The following FIBP variants were observed in gnomAD, a reference collection of about 807,000 sequenced individuals.
FIBP encodes the protein FGF1 intracellular binding protein.
FIBP carries 29 observed loss-of-function variants against 40.5 expected under a neutral mutation model. The observed-to-expected ratio is 0.72, with a 90% CI of 0.53 to 0.98. The LOEUF (loss-of-function observed/expected upper bound fraction) is 0.98. Among genes scored for constraint, FIBP ranks in the 50% least tolerant of loss-of-function variants. FIBP has a pLI of 0.00. For synonymous variants in FIBP, 215 were observed against 191.1 expected, an observed-to-expected ratio of 1.13 and a Z score of -1.03; for missense variants, 411 against 470.2, an observed-to-expected ratio of 0.87 and a Z score of 1.16.
chr11:65,884,953 C>T lies in FIBP; in HGVS notation c.801G>A (p.Glu267=). The change falls in exon 7 of 10, where the codon GAG becomes GAA. Residue 267 remains glutamate, a synonymous_variant. Coordinates refer to ENST00000357519, the MANE Select transcript of FIBP (RefSeq NM_004214.5). ...CACAGACCTTGAAGTTGGCTTCCAT[C>T]TCAGAGAAGACGCCCAGCTTTCCCC... is the stretch of plus-strand genomic sequence containing the variant. The part of the protein sequence containing the change: ...ALRGKLGVFS[E]MEANFKNLSR... 1 of 1,614,212 alleles carries T rather than the reference C, an allele frequency of 6.2e-7. No homozygotes were observed. The highest frequency in any genetic ancestry group is 8.5e-7 in the Non-Finnish European group (1 of 1,180,052).
In FIBP at chr11:65,887,664, G is replaced by A. The variant is rs746125853; in HGVS notation, c.347C>T (p.Thr116Ile). ...GCTGATGTCATCCAGGTCTTTCTTG[G>A]TGCCTTTGGACAGCTTCTTGCCCAG... ...EVLGKKLSKG[T>I]KKDLDDISTK... The change falls in exon 3 of 10, where the codon ACC becomes ATC. Residue 116 changes from threonine (T) to isoleucine (I), a missense_variant. Physicochemically the swap from Thr to Ile is moderately conservative, Grantham distance 89. Transcript: ENST00000357519. The A allele has an allele frequency of 2.5e-6, 4 of 1,614,012 alleles. No homozygotes were observed. In the Admixed American group the frequency reaches 6.7e-5, roughly 27 times the overall value.
intron 2 of FIBP, 42 bp from the exon 3 acceptor site, chr11:65,887,768 AGGAAAG>A: frequency 6.4e-7 from 1 of 1,572,904 alleles, no homozygotes; most frequent in Middle Eastern, 1.7e-4. Context: ...CATAAAAGAC[AGGAAAG>A]GGAGTCTGGC....
Position 65,886,319 on chromosome 11 carries a change from C to T in FIBP, c.512+3G>A, listed in dbSNP as rs1027044356. 6.2e-7 allele frequency: 1 copy of T among 1,609,240 alleles called. No homozygotes were observed. ...CGGGATGGGGAGGTGGCTAGCTCCT[C>T]ACCTGGCCAACCGGTCAGAGAGGAG... On this transcript the variant is annotated splice_donor_region_variant and intron_variant, in intron 4 of 9. Transcript: ENST00000357519.
chr11:65,886,013 G>A (rs532753499), intron 4 of FIBP: 13 of 459,558 alleles, frequency 2.8e-5, no homozygotes, highest in Non-Finnish European at 4.3e-5. Context: ...CTGGTCCAAA[G>A]TACAGACCAA....
chr11:65,885,671 G>A lies in FIBP; in HGVS notation c.513-8C>T, dbSNP rs776189316. On this transcript the variant is annotated splice_region_variant and splice_polypyrimidine_tract_variant and intron_variant, in intron 4 of 9. Coordinates refer to ENST00000357519, the MANE Select transcript of FIBP (RefSeq NM_004214.5). ...ACGATGGCTGCATAGTCCCTGCACAGACGAGAGGAGGGTCCTCTTAGGGCT... is the reference window on the plus strand; with the variant it reads ...ACGATGGCTGCATAGTCCCTGCACAAACGAGAGGAGGGTCCTCTTAGGGCT... 2 of 1,598,304 alleles carry A rather than the reference G, an allele frequency of 1.3e-6. No individual in the cohort carries two copies. Among genetic ancestry groups the A allele is most frequent in the Admixed American group, 1.7e-5 (1 of 58,026 alleles).
rs746845918 is a variant in FIBP, at chr11:65,886,390, TAC to T, written c.442_443del (p.Val148ArgfsTer19). 1.2e-6 allele frequency: 2 copies of T among 1,613,816 alleles called. No homozygotes were observed. Among genetic ancestry groups the T allele is most frequent in the African/African-American group, 2.7e-5 (2 of 74,840 alleles). On this transcript the variant is annotated frameshift_variant, in exon 4 of 10. Coordinates refer to ENST00000357519, the MANE Select transcript of FIBP (RefSeq NM_004214.5). LOFTEE classifies it high-confidence loss of function. ...CCACCAGGGAGCCCCGCATTTCCTC[TAC>T]CACCTTGAAGACCCGTTTAAAGTTG... ...FDNFKRVFKV[V>X]EEMRGSLVDN...
In FIBP at chr11:65,885,570, G is replaced by A. The variant is rs764460613; in HGVS notation, c.606C>T (p.Cys202=). 21 of 1,614,072 alleles carry A rather than the reference G, an allele frequency of 1.3e-5. No individual in the cohort carries two copies. Among genetic ancestry groups the A allele is most frequent in the East Asian group, 2.2e-5 (1 of 44,902 alleles). The part of the protein sequence containing the change: ...QYLSFGDFAF[C]AELMIQNWTL... ...TCCAGTTTTGGATCATGAGCTCAGC[G>A]CAGAAGGCAAAGTCACCGAAGCTCA... Residue 202 remains cysteine (C), a synonymous_variant, in exon 5 of 10, where the codon TGC becomes TGT. Coordinates refer to ENST00000357519, the MANE Select transcript of FIBP (RefSeq NM_004214.5).
At chr11:65,886,246 T>G in intron 4 of FIBP, 76 bp downstream of exon 4, 2 of 898,548 alleles carry the variant, frequency 2.2e-6, no homozygotes, top group East Asian at 2.5e-5. Flanking sequence ...GGTCAGAAGG[T>G]TTGGGGTAGG....
intron 9 of FIBP, 96 bp from the exon 10 acceptor site, chr11:65,884,139 C>T (rs1424595353): frequency 4.9e-6 from 5 of 1,016,796 alleles, no homozygotes; most frequent in Non-Finnish European, 7.5e-6. Flanking sequence ...TTCATTTTGC[C>T]CTTAGAAAAT....
intron 7 of FIBP, 24 bp downstream of exon 7, chr11:65,884,911 C>A (rs371059977): frequency 6.2e-7 from 1 of 1,613,676 alleles, no homozygotes; most frequent in African/African-American, 1.3e-5. Flanking sequence ...TGCCAAGGGT[C>A]AGAGGCTGGA....
chr11:65,886,823 A>G (rs901658641), intron 3 of FIBP: 2 of 168,090 alleles, frequency 1.2e-5, no homozygotes, highest in African/African-American at 4.8e-5. Context: ...TCAAAGACCC[A>G]GAAGGGTTAC....
At chr11:65,888,221 A>G (rs922618961) in intron 1 of FIBP, 89 bp from the exon 2 acceptor site, 2 of 1,470,800 alleles carry the variant, frequency 1.4e-6, no homozygotes, top group Non-Finnish European at 1.8e-6. Context: ...AACACCTCTT[A>G]TTCCCAGGCG....
rs749749422 is a variant in FIBP, at chr11:65,884,427, C to G, written c.969G>C (p.Gln323His). The G allele has an allele frequency of 7.4e-6, 12 of 1,614,048 alleles. No individual in the cohort carries two copies. Among genetic ancestry groups the G allele is most frequent in the Non-Finnish European group, 9.3e-6 (11 of 1,180,030 alleles). ...PLSDVRFFLN[Q>H]YSASVHSLDG... ...CGAGGGAGTGGACAGACGCTGAATA[C>G]TGATTCAGGAAGAACCGCACGTCGC... The change falls in exon 9 of 10, where the codon CAG becomes CAC. Residue 323 changes from glutamine to histidine, a missense_variant. Gln to His is a conservative substitution (Grantham distance 24). Coordinates refer to ENST00000357519, the MANE Select transcript of FIBP (RefSeq NM_004214.5).
In FIBP at chr11:65,887,677, G is replaced by A; in HGVS notation, c.334C>T (p.Leu112=). ...AFVREVLGKK[L]SKGTKKDLDD... The stretch of plus-strand genomic sequence containing the variant: ...AGGTCTTTCTTGGTGCCTTTGGACA[G>A]CTTCTTGCCCAGCACCTCCCGAACA... Residue 112 remains leucine, a synonymous_variant, in exon 3 of 10, where the codon CTG becomes TTG. Transcript: ENST00000357519. 6.2e-7 allele frequency: 1 copy of A among 1,614,160 alleles called. No homozygotes were observed. Among genetic ancestry groups the A allele is most frequent in the Non-Finnish European group, 8.5e-7 (1 of 1,180,038 alleles).
chr11:65,886,539 T>C (rs2231888), intron 3 of FIBP, 117 bp from the exon 4 acceptor site: 9 of 702,526 alleles, frequency 1.3e-5, no homozygotes, highest in African/African-American at 7.0e-5. Context: ...AGTCAGCAGA[T>C]GCTGATTTAG....
chr11:65,887,533 G>A (rs1860268678), intron 3 of FIBP, 67 bp downstream of exon 3: 1 of 1,561,558 alleles, frequency 6.4e-7, no homozygotes, highest in Non-Finnish European at 8.8e-7. Flanking sequence ...CTGGAACTGG[G>A]CCAGTGGCCA....
chr11:65,887,856 C>T, intron 2 of FIBP, 78 bp downstream of exon 2: 2 of 1,589,450 alleles, frequency 1.3e-6, no homozygotes, highest in Non-Finnish European at 1.7e-6. Flanking sequence ...TCCCATCCCT[C>T]CCTGGGCCTG....
At position 65,887,794 on chromosome 11, in the gene FIBP, C is replaced by G. The variant is rs781040692; in HGVS notation, c.285-68G>C. On this transcript the variant is annotated intron_variant, in intron 2 of 9. Coordinates refer to ENST00000357519, the MANE Select transcript of FIBP (RefSeq NM_004214.5). Reference sequence around the variant, plus strand: ...GGAAAGGGAGTCTGGCGGGGCCTAGCAGGGCCTAGGTCTGACCCCTTCCAC... The same window carrying G: ...GGAAAGGGAGTCTGGCGGGGCCTAGGAGGGCCTAGGTCTGACCCCTTCCAC... 6 of 1,478,696 alleles carry G rather than the reference C, an allele frequency of 4.1e-6. No individual in the cohort carries two copies. The African/African-American group carries it at 5.5e-5, about 13-fold the overall frequency. 91.6% of individuals were successfully genotyped at this position (1,478,696 alleles called of 1,614,324 possible). A position where few individuals can be genotyped will look rare whatever the true frequency, so the allele number is the denominator to read the frequency against.
intron 4 of FIBP, chr11:65,885,887 A>G (rs1860223090): frequency 1.9e-6 from 1 of 540,162 alleles, no homozygotes. Flanking sequence ...TAAGGGTAAC[A>G]GTTACTATCT....
Sources: gnomAD v4.1 joint callset for allele counts on GRCh38, gnomAD v4.1.1 for gene constraint, MANE v1.5 for transcripts, NCBI Gene and HGNC (gene_info 2026-07-23, HGNC 2026-07-21) for gene names.